Variants in RP1L1 observed in about 807,000 individuals in gnomAD.
The protein encoded by RP1L1 is retinitis pigmentosa 1-like 1 protein.
In RP1L1, 27 loss-of-function variants were observed where a neutral mutation model predicts 15.7. That is an observed-to-expected ratio of 1.72 (90% CI 1.27 to 2.38). The LOEUF (loss-of-function observed/expected upper bound fraction) is 2.38. RP1L1 is among the 30% of genes most tolerant of loss of function. The pLI, the probability that RP1L1 is intolerant of heterozygous loss-of-function variation, is 0.00. For missense variants in RP1L1, 4,798 were observed against 3,075.9 expected (o/e 1.56, Z -13.24); for synonymous variants, 1,813 against 1,276.7 (o/e 1.42, Z -8.96).
In RP1L1 at chr8:10,611,302, TC is replaced by T; in HGVS notation, c.2795del (p.Gly932GlufsTer40). 1 of 1,612,630 alleles carries T rather than the reference TC, an allele frequency of 6.2e-7. No individual in the cohort carries two copies. Among genetic ancestry groups the T allele is most frequent in the Non-Finnish European group, 8.5e-7 (1 of 1,179,912 alleles). On this transcript the variant is annotated frameshift_variant, in exon 4 of 4. Coordinates refer to ENST00000382483, the MANE Select transcript of RP1L1 (RefSeq NM_178857.6). LOFTEE classifies it low-confidence loss of function (END_TRUNC). ...LSEEKTLRSG[G>X]GPQGQEEASG... ...TGGCCTCCTCCTGCCCCTGGGGGCC[TC>T]CCCCACTCCTCAAGGTCTTCTCCTC... is the stretch of plus-strand genomic sequence containing the variant.
At chr8:10,640,962 G>A (rs916173114) in intron 1 of RP1L1, among the ~76,000 whole-genome samples, 2 of 152,220 alleles carry the variant, frequency 1.3e-5, no homozygotes, top group South Asian at 4.1e-4. Flanking sequence ...GTAGAGAGGA[G>A]GTTTTTCCGT....
In RP1L1 at chr8:10,622,768, C is replaced by G. The variant is rs373569904; in HGVS notation, c.434G>C (p.Arg145Pro). ...QREAPGTSSSRKSLKTPRRIL... is the reference protein window; with the variant it reads ...QREAPGTSSSPKSLKTPRRIL... The stretch of plus-strand genomic sequence containing the variant: ...CCTCCGGGGGGTTTTAAGACTCTTC[C>G]GGGAGGAGGAGGTGCCTGGGGCTTC... Residue 145 changes from arginine to proline, a missense_variant, in exon 2 of 4, where the codon CGG (arginine) becomes CCG (proline). Coordinates refer to ENST00000382483, the MANE Select transcript of RP1L1 (RefSeq NM_178857.6). 8.1e-6 allele frequency: 13 copies of G among 1,613,876 alleles called. No individual in the cohort carries two copies. In the East Asian group the frequency reaches 2.7e-4, roughly 33 times the overall value.
intron 2 of RP1L1, among the ~76,000 whole-genome samples, chr8:10,617,399 C>CAAAAAAAAAAAAAAAAAAAAA (rs369885056): frequency 1.2e-5 from 1 of 83,018 alleles, no homozygotes; most frequent in Non-Finnish European, 2.5e-5. Flanking sequence ...TGCTCATTAA[C>CAAAAAAAAAAAAAAAAAAAAA]AAAAAAAAAA....
intron 1 of RP1L1, among the ~76,000 whole-genome samples, chr8:10,643,769 G>A (rs910485711): frequency 1.3e-5 from 2 of 151,864 alleles, no homozygotes; most frequent in South Asian, 4.2e-4. Flanking sequence ...CCTTGCCTGG[G>A]GCCTCGCTGG....
chr8:10,619,381 C>A (rs1473465130), intron 2 of RP1L1, among the ~76,000 whole-genome samples: 2 of 152,224 alleles, frequency 1.3e-5, no homozygotes, highest in Admixed American at 6.5e-5. Flanking sequence ...ACTGAGACAT[C>A]AAAAGATGCC....
At chr8:10,652,817 G>A (rs1259346964) in intron 1 of RP1L1, among the ~76,000 whole-genome samples, 2 of 152,146 alleles carry the variant, frequency 1.3e-5, no homozygotes, top group Non-Finnish European at 1.5e-5. Flanking sequence ...CCTTCCTGGA[G>A]GTCATCATGC....
chr8:10,629,540 CT>C (rs1798209205), intron 1 of RP1L1, among the ~76,000 whole-genome samples: 1 of 152,194 alleles, frequency 6.6e-6, no homozygotes, highest in Non-Finnish European at 1.5e-5. Flanking sequence ...TAGCAAACAA[CT>C]TTAAACCACA....
intron 1 of RP1L1, among the ~76,000 whole-genome samples, chr8:10,651,960 C>G (rs1441360248): frequency 6.6e-6 from 1 of 152,130 alleles, no homozygotes; most frequent in African/African-American, 2.4e-5. Context: ...TGTATCTGTA[C>G]TGTTTCTTTT....
intron 1 of RP1L1, among the ~76,000 whole-genome samples, chr8:10,644,204 T>G (rs1288358255): frequency 6.6e-6 from 1 of 150,986 alleles, no homozygotes; most frequent in African/African-American, 2.4e-5. Context: ...CACTCAGTAC[T>G]GGGGCCGAGT....
At chr8:10,633,839 AG>A (rs1798289342) in intron 1 of RP1L1, among the ~76,000 whole-genome samples, 1 of 152,192 alleles carries the variant, frequency 6.6e-6, no homozygotes, top group Non-Finnish European at 1.5e-5. Flanking sequence ...ATCTCCACAT[AG>A]TTCCATGAGG....
chr8:10,617,546 C>CTTTTTTTTTTTTTTT (rs777209714), intron 2 of RP1L1, among the ~76,000 whole-genome samples: 1 of 63,388 alleles, frequency 1.6e-5, no homozygotes, highest in Non-Finnish European at 2.7e-5. Context: ...GTTTCTTTTT[C>CTTTTTTTTTTTTTTT]TTTTTTTTTT....
At position 10,610,716 on chromosome 8, in the gene RP1L1, A is replaced by T; in HGVS notation, c.3382T>A (p.Phe1128Ile). ...LITCLASLQL[F>I]EEDLGSPASK... Reference sequence around the variant, plus strand: ...GCAGGAGACCCAAGGTCTTCCTCAAATAACTGCAGACTGGCCAGACAAGTA... The same window carrying T: ...GCAGGAGACCCAAGGTCTTCCTCAATTAACTGCAGACTGGCCAGACAAGTA... The change falls in exon 4 of 4, where the codon TTT becomes ATT. Residue 1128 changes from phenylalanine (F) to isoleucine (I), a missense_variant. Coordinates refer to ENST00000382483, the MANE Select transcript of RP1L1 (RefSeq NM_178857.6). 2 of 1,613,584 alleles carry T rather than the reference A, an allele frequency of 1.2e-6. No individual in the cohort carries two copies. Among genetic ancestry groups the T allele is most frequent in the Non-Finnish European group, 8.5e-7 (1 of 1,180,032 alleles).
Position 10,623,169 on chromosome 8 carries a change from C to T in RP1L1, c.33G>A (p.Pro11=), listed in dbSNP as rs80059299. The change falls in exon 2 of 4, where the codon CCG becomes CCA. Residue 11 remains proline, a synonymous_variant. Coordinates refer to ENST00000382483, the MANE Select transcript of RP1L1 (RefSeq NM_178857.6). ...AGGGCAGGAAGCACTCACGGTGGCT[C>T]GGGGCCTGGGCATTCCTGGGGGTGC... The part of the protein sequence containing the change: MNSTPRNAQA[P]SHRECFLPSV... 0.023 allele frequency: 36,130 copies of T among 1,581,806 alleles called. 521 individuals carry two copies. Among genetic ancestry groups the T allele is most frequent in the Middle Eastern group, 0.035 (202 of 5,834 alleles).
chr8:10,650,969 G>A (rs146364933), intron 1 of RP1L1, among the ~76,000 whole-genome samples: 36 of 152,354 alleles, frequency 2.4e-4, no homozygotes, highest in African/African-American at 8.2e-4. Flanking sequence ...AAGTGAGCAA[G>A]TGAAAGCTAA....
intron 1 of RP1L1, among the ~76,000 whole-genome samples, chr8:10,635,741 G>T (rs1175165387): frequency 6.6e-6 from 1 of 152,256 alleles, no homozygotes; most frequent in Non-Finnish European, 1.5e-5. Context: ...GACAGTGGAG[G>T]ATGTGGGAGA....
intron 1 of RP1L1, among the ~76,000 whole-genome samples, chr8:10,649,063 C>T (rs942032077): frequency 6.6e-6 from 1 of 152,232 alleles, no homozygotes; most frequent in African/African-American, 2.4e-5. Context: ...AGATGGGAGA[C>T]TTCTCTGTGG....
Position 10,609,997 on chromosome 8 carries a change from CAG to C in RP1L1, c.4099_4100del (p.Leu1367AlafsTer11). The part of the protein sequence containing the change: ...EEIEETGGEG[L>X]QEEGVQLEEV... ...CCTCTAACTGCACCCCCTCTTCTTG[CAG>C]CCCTTCTCCTCCTGTTTCTTCAATT... On this transcript the variant is annotated frameshift_variant, in exon 4 of 4. Transcript: ENST00000382483. LOFTEE classifies it low-confidence loss of function (END_TRUNC). The C allele has an allele frequency of 1.3e-6, 2 of 1,599,378 alleles. No homozygotes were observed. Among genetic ancestry groups the C allele is most frequent in the Non-Finnish European group, 8.5e-7 (1 of 1,171,850 alleles).
Position 10,611,353 on chromosome 8 carries a change from C to A in RP1L1, c.2745G>T (p.Gln915His), listed in dbSNP as rs1797849649. 4 of 1,611,386 alleles carry A rather than the reference C, an allele frequency of 2.5e-6. No homozygotes were observed. The highest frequency in any genetic ancestry group is 2.5e-6 in the Non-Finnish European group (3 of 1,179,706). The change falls in exon 4 of 4, where the codon CAG (glutamine) becomes CAT (histidine). Residue 915 changes from glutamine to histidine, a missense_variant. Coordinates refer to ENST00000382483, the MANE Select transcript of RP1L1 (RefSeq NM_178857.6). Reference sequence around the variant, plus strand: ...CGGACAGCCCCCGAGACCCCGCACCCTGGCTGGCACTGCTTCTCCTTGATG... The same window carrying A: ...CGGACAGCCCCCGAGACCCCGCACCATGGCTGGCACTGCTTCTCCTTGATG... The part of the protein sequence containing the change: ...SGASRRSSAS[Q>H]GAGSRGLSEE...
chr8:10,635,724 T>C (rs564009914), intron 1 of RP1L1, among the ~76,000 whole-genome samples: 1 of 152,372 alleles, frequency 6.6e-6, no homozygotes, highest in East Asian at 1.9e-4. Context: ...CAGCGAGTGC[T>C]TGTGGAGACA....
Sources: allele counts gnomAD v4.1 joint callset (sites outside exome capture counted in the v4.1 genomes callset), GRCh38; gene constraint gnomAD v4.1.1; transcripts MANE v1.5; gene names NCBI Gene and HGNC (gene_info 2026-07-23, HGNC 2026-07-21).